Variants in APBA2 observed in about 807,000 individuals in gnomAD.
The protein encoded by APBA2 is amyloid-beta A4 precursor protein-binding family A member 2.
Under a neutral mutation model 75.0 loss-of-function variants are expected in APBA2, and 30 were observed. That is an observed-to-expected ratio of 0.40 (90% confidence interval 0.30 to 0.54). The LOEUF is 0.54. Ranked by LOEUF, APBA2 falls within the 20% of genes least tolerant of loss-of-function variation. The pLI, the probability that APBA2 is intolerant of heterozygous loss-of-function variation, is 0.49. For synonymous variants in APBA2, 444 were observed against 409.6 expected (o/e 1.08, Z -1.01); for missense variants, 801 against 1,016.1 (o/e 0.79, Z 2.88).
At chr15:29,055,127 C>G (rs141015937) in intron 4 of APBA2, among the ~76,000 whole-genome samples, 20 of 152,334 alleles carry the variant, frequency 1.3e-4, no homozygotes, top group African/African-American at 4.3e-4. Context: ...GGTTCGATTT[C>G]TTGCCCACTG....
intron 6 of APBA2, among the ~76,000 whole-genome samples, chr15:29,079,638 C>T (rs2043000735): frequency 2.0e-5 from 3 of 152,102 alleles, no homozygotes; most frequent in Admixed American, 6.5e-5. Context: ...CTTCCAGCCT[C>T]CTGGCGTGTC....
intron 1 of APBA2, among the ~76,000 whole-genome samples, chr15:28,888,100 T>C (rs897216942): frequency 6.6e-5 from 10 of 152,214 alleles, no homozygotes; most frequent in African/African-American, 2.4e-4. Flanking sequence ...TGTGGCCTGC[T>C]AGTTAACTTG....
intron 2 of APBA2, among the ~76,000 whole-genome samples, chr15:28,942,485 C>T (rs1190355789): frequency 6.6e-6 from 1 of 152,054 alleles, no homozygotes; most frequent in Non-Finnish European, 1.5e-5. Context: ...CTGTGAGGGG[C>T]GAATGGGGAG....
At chr15:29,014,704 G>GTTTTT (rs531887593) in intron 3 of APBA2, among the ~76,000 whole-genome samples, 16 of 125,628 alleles carry the variant, frequency 1.3e-4, no homozygotes, top group African/African-American at 4.1e-4. Context: ...TCATTTGACT[G>GTTTTT]TTTTTTTTTT....
intron 3 of APBA2, among the ~76,000 whole-genome samples, chr15:29,002,535 C>T (rs550426966): frequency 2.0e-5 from 3 of 151,788 alleles, no homozygotes; most frequent in African/African-American, 2.4e-5. Flanking sequence ...AGAAAGTCCA[C>T]GTCATTTGCC....
chr15:28,954,030 A>T (rs1041867746), intron 2 of APBA2, among the ~76,000 whole-genome samples: 2 of 151,784 alleles, frequency 1.3e-5, no homozygotes, highest in African/African-American at 4.8e-5. Context: ...CTCAACCCCA[A>T]TCTCCACATC....
intron 4 of APBA2, among the ~76,000 whole-genome samples, chr15:29,059,693 G>T (rs1304541109): frequency 6.6e-6 from 1 of 152,140 alleles, no homozygotes; most frequent in East Asian, 1.9e-4. Flanking sequence ...GTGTCCCGAG[G>T]CTCATAGGAA....
chr15:28,942,945 CAG>C (rs2035320760), intron 2 of APBA2, among the ~76,000 whole-genome samples: 1 of 152,230 alleles, frequency 6.6e-6, no homozygotes, highest in Non-Finnish European at 1.5e-5. Context: ...TCCTCGTTCT[CAG>C]GGGGGGCTTC....
intron 3 of APBA2, among the ~76,000 whole-genome samples, chr15:29,048,600 A>G (rs548314444): frequency 5.4e-4 from 83 of 152,306 alleles, no homozygotes; most frequent in African/African-American, 1.9e-3. Context: ...GAAATGATGT[A>G]GACTAGAAAG....
intron 3 of APBA2, 91 bp from the exon 4 acceptor site, chr15:29,053,754 C>T (rs369217644): frequency 4.9e-5 from 37 of 754,866 alleles, no homozygotes; most frequent in Middle Eastern, 6.7e-4. Flanking sequence ...TGCGGGAGGA[C>T]GTGGTGGGAG....
intron 1 of APBA2, among the ~76,000 whole-genome samples, chr15:28,887,172 A>G (rs2031800142): frequency 1.3e-5 from 2 of 152,240 alleles, no homozygotes; most frequent in Non-Finnish European, 2.9e-5. Context: ...GGCACCAGAC[A>G]TAAATCTGTG....
chr15:29,106,487 TTGGATCCCAGG>T (rs1259123729), intron 11 of APBA2, 109 bp from the exon 12 acceptor site: 1 of 1,162,748 alleles, frequency 8.6e-7, no homozygotes, highest in East Asian at 2.5e-5. Context: ...TGAGCCAGCC[TTGGATCCCAGG>T]GCAGGGCGGG....
chr15:28,985,868 G>A (rs983856936), intron 2 of APBA2, among the ~76,000 whole-genome samples: 2 of 152,054 alleles, frequency 1.3e-5, no homozygotes, highest in East Asian at 3.9e-4. Flanking sequence ...ATGTGTTGGT[G>A]GCCAGACCCT....
intron 3 of APBA2, among the ~76,000 whole-genome samples, chr15:29,045,084 T>C (rs1314067956): frequency 1.4e-5 from 2 of 140,678 alleles, no homozygotes; most frequent in Non-Finnish European, 3.0e-5. Context: ...TCTCTCTCTC[T>C]CTCTCTCTCT....
chr15:28,914,131 T>C (rs1412885105), intron 1 of APBA2, among the ~76,000 whole-genome samples: 2 of 152,228 alleles, frequency 1.3e-5, no homozygotes, highest in African/African-American at 4.8e-5. Flanking sequence ...ACATGTTTCC[T>C]AATGGAAGGG....
At chr15:28,984,654 G>GGGT in intron 2 of APBA2, among the ~76,000 whole-genome samples, 1 of 151,798 alleles carries the variant, frequency 6.6e-6, no homozygotes, top group Middle Eastern at 3.4e-3. Flanking sequence ...CCATCTCTGG[G>GGGT]TGCTGGGGGA....
At chr15:28,887,982 G>A (rs990193552) in intron 1 of APBA2, among the ~76,000 whole-genome samples, 1 of 152,188 alleles carries the variant, frequency 6.6e-6, no homozygotes, top group African/African-American at 2.4e-5. Context: ...GTGTGAGTGT[G>A]TGTGAGCAGG....
rs111707447 is a variant in APBA2 at position 29,087,435 on chromosome 15, C to T, written c.1070-5640C>T. On this transcript the variant is annotated intron_variant, in intron 6 of 14. Transcript: ENST00000683413. ...CAGCATCCAGTGACTTAATCTTGCT[C>T]ATTGGGTGTCTAAAGTTCAACACTG... Among the ~76,000 whole-genome samples the T allele has an allele frequency of 5.5e-4, 84 of 152,270 alleles. 1 individual carries two copies. The highest frequency in any genetic ancestry group is 1.9e-4 in the Non-Finnish European group (13 of 68,028).
chr15:28,911,230 T>A (rs2033412534), intron 1 of APBA2, among the ~76,000 whole-genome samples: 1 of 152,318 alleles, frequency 6.6e-6, no homozygotes, highest in African/African-American at 2.4e-5. Context: ...GAGGAGCCTG[T>A]GGCAGAACAG....
Sources: allele counts gnomAD v4.1 joint callset (sites outside exome capture counted in the v4.1 genomes callset), GRCh38; gene constraint gnomAD v4.1.1; transcripts MANE v1.5; gene names NCBI Gene and HGNC (gene_info 2026-07-23, HGNC 2026-07-21).